The following ZNF66 variants were observed in gnomAD, a reference collection of about 807,000 sequenced individuals.
The protein encoded by ZNF66 is putative zinc finger protein 66.
Under a neutral mutation model 35.2 loss-of-function variants are expected in ZNF66, and 32 were observed. The observed-to-expected ratio is 0.91, with a 90% CI of 0.69 to 1.22. The LOEUF is 1.22. Ranked by LOEUF, ZNF66 falls within the 50% of genes most tolerant of loss-of-function variation. The pLI, the probability that ZNF66 is intolerant of heterozygous loss-of-function variation, is 0.00. For missense variants in ZNF66, 666 were observed against 543.1 expected (o/e 1.23, Z -2.25); for synonymous variants, 231 against 181.3 (o/e 1.27, Z -2.20).
At chr19:20,791,626 C>T (rs1292458495) in intron 1 of ZNF66, among the ~76,000 whole-genome samples, 1 of 151,668 alleles carries the variant, frequency 6.6e-6, no homozygotes, top group African/African-American at 2.4e-5. Flanking sequence ...CTAAAAATTA[C>T]AGAACATAGG....
rs1305920351 is a variant in ZNF66, at chr19:20,781,319, T to C, written c.3+4869T>C. Among the ~76,000 whole-genome samples, 3 of 152,300 alleles carry C rather than the reference T, an allele frequency of 2.0e-5. No individual in the cohort carries two copies. The East Asian group carries it at 5.8e-4, about 29-fold the overall frequency. On this transcript the variant is annotated intron_variant, in intron 1 of 3. Coordinates refer to ENST00000344519, the MANE Select transcript of ZNF66 (RefSeq NM_001355197.2). ...TCATGGGGGTTTTGTGTGCAGATTA[T>C]TTTGTTAACTTACGTACTAAGCATA...
chr19:20,778,124 CAG>C (rs1261696963), intron 1 of ZNF66, among the ~76,000 whole-genome samples: 7 of 152,106 alleles, frequency 4.6e-5, no homozygotes, highest in African/African-American at 7.2e-5. Flanking sequence ...TTTTTTGAAA[CAG>C]AGTCTCACTC....
At position 20,798,752 on chromosome 19, in the gene ZNF66, TATCTC is replaced by T. The variant is rs1309504570; in HGVS notation, c.226+4877_226+4881del. ...ATTTTATGATTTTGACTACTTAAGA[TATCTC>T]ATATAAGTGGAATCATACAGTATCC... On this transcript the variant is annotated intron_variant, in intron 3 of 3. Coordinates refer to ENST00000344519, the MANE Select transcript of ZNF66 (RefSeq NM_001355197.2). Among the ~76,000 whole-genome samples the T allele has an allele frequency of 5.9e-5, 9 of 152,350 alleles. No individual in the cohort carries two copies. The East Asian group carries it at 1.5e-3, about 26-fold the overall frequency.
In ZNF66 at chr19:20,776,373, G is replaced by A; in HGVS notation, c.-75G>A. ...TCTGTCTTCTTCTCCTAGAGGCCCA[G>A]CCTCTGTGGCCCTGTGTCCTGCAGG... On this transcript the variant is annotated 5_prime_UTR_variant, in exon 1 of 4. Transcript: ENST00000344519. 2.6e-6 allele frequency: 4 copies of A among 1,518,904 alleles called. No individual in the cohort carries two copies. The South Asian group carries it at 4.5e-5, about 17-fold the overall frequency. The allele number at this position is 1,518,904 out of a possible 1,614,324, so 94.1% of individuals were successfully genotyped here.
rs878893648 is a variant in ZNF66, at chr19:20,806,788, T to G, written c.1188T>G (p.Pro396=). 1 of 1,290,888 alleles carries G rather than the reference T, an allele frequency of 7.7e-7. No individual in the cohort carries two copies. Among genetic ancestry groups the G allele is most frequent in the Non-Finnish European group, 1.1e-6 (1 of 894,882 alleles). The allele number at this position is 1,290,888 out of a possible 1,614,324, so 80.0% of individuals were successfully genotyped here. The change falls in exon 4 of 4, where the codon CCT becomes CCG. Residue 396 remains proline, a synonymous_variant. Coordinates refer to ENST00000344519, the MANE Select transcript of ZNF66 (RefSeq NM_001355197.2). ...AHKIIHTGKK[P]YKCEECGKVF... is the part of the protein sequence containing the mutation. ...AGATAATTCATACTGGAAAGAAACCTTACAAATGTGAAGAATGTGGCAAAG... is the reference window on the plus strand; with the variant it reads ...AGATAATTCATACTGGAAAGAAACCGTACAAATGTGAAGAATGTGGCAAAG...
At chr19:20,791,106 G>C (rs1300948343) in intron 1 of ZNF66, among the ~76,000 whole-genome samples, 2 of 152,178 alleles carry the variant, frequency 1.3e-5, no homozygotes, top group Non-Finnish European at 2.9e-5. Context: ...GGGGAAAACT[G>C]TGGTCCTTAG....
chr19:20,779,799 A>C (rs1303916095), intron 1 of ZNF66, among the ~76,000 whole-genome samples: 14 of 151,260 alleles, frequency 9.3e-5, no homozygotes, highest in Non-Finnish European at 1.9e-4. Flanking sequence ...GTGGTGGTGC[A>C]TGCCTGTAAT....
At chr19:20,781,026 C>A (rs1971240976) in intron 1 of ZNF66, among the ~76,000 whole-genome samples, 1 of 152,170 alleles carries the variant, frequency 6.6e-6, no homozygotes, top group Admixed American at 6.5e-5. Context: ...CTGCAAGTCT[C>A]CTGGCATATC....
At position 20,806,770 on chromosome 19, in the gene ZNF66, T is replaced by C; in HGVS notation, c.1170T>C (p.Ile390=). Residue 390 remains isoleucine (I), a synonymous_variant, in exon 4 of 4, where the codon ATT becomes ATC. Transcript: ENST00000344519. The part of the protein sequence containing the change: ...YSCSLTAHKI[I]HTGKKPYKCE... ...GTTCCCTTACTGCACATAAGATAAT[T>C]CATACTGGAAAGAAACCTTACAAAT... 1 of 1,326,716 alleles carries C rather than the reference T, an allele frequency of 7.5e-7. No homozygotes were observed. The highest frequency in any genetic ancestry group is 1.8e-4 in the Middle Eastern group (1 of 5,482). 82.2% of individuals were successfully genotyped at this position (1,326,716 alleles called of 1,614,324 possible). A position where few individuals can be genotyped will look rare whatever the true frequency, so the allele number is the denominator to read the frequency against.
chr19:20,791,782 G>T (rs1299769724), intron 1 of ZNF66, among the ~76,000 whole-genome samples: 3 of 152,064 alleles, frequency 2.0e-5, no homozygotes, highest in Admixed American at 1.3e-4. Flanking sequence ...ATTTGTCCTA[G>T]TGCAGTTAAT....
At chr19:20,794,160 GAGAC>G (rs1357932520) in intron 3 of ZNF66, 1 of 479,996 alleles carries the variant, frequency 2.1e-6, no homozygotes, top group Admixed American at 3.0e-5. Context: ...TGACATATAA[GAGAC>G]AGCACAATCC....
intron 3 of ZNF66, among the ~76,000 whole-genome samples, chr19:20,803,892 A>G (rs446838): frequency 0.093 from 14,124 of 152,020 alleles, 658 homozygotes; most frequent in Middle Eastern, 0.11. Context: ...TATTATTTTA[A>G]CTTTAACAAT....
chr19:20,791,751 A>G (rs1426753377), intron 1 of ZNF66, among the ~76,000 whole-genome samples: 1 of 152,138 alleles, frequency 6.6e-6, no homozygotes, highest in Non-Finnish European at 1.5e-5. Context: ...ATTCTTCTGT[A>G]TGCATTAACA....
In ZNF66 at chr19:20,788,931, G is replaced by GT. The variant is rs562016993; in HGVS notation, c.4-3578dup. On this transcript the variant is annotated intron_variant, in intron 1 of 3. Transcript: ENST00000344519. ...CTGGGCGTGGTGGCACACATCTGTA[G>GT]TTTCAGCTACTCAGGAGGCTGAGGT... Among the ~76,000 whole-genome samples, 429 of 151,902 alleles carry GT rather than the reference G, an allele frequency of 2.8e-3. 2 individuals are homozygous for GT. Among genetic ancestry groups the GT allele is most frequent in the African/African-American group, 9.8e-3 (407 of 41,474 alleles).
In ZNF66 at chr19:20,809,286, T is replaced by G. The variant is rs1339140108; in HGVS notation, c.*1964T>G. Among the ~76,000 whole-genome samples the G allele has an allele frequency of 1.3e-5, 2 of 152,016 alleles. No homozygotes were observed. The highest frequency in any genetic ancestry group is 2.9e-5 in the Non-Finnish European group (2 of 68,010). On this transcript the variant is annotated 3_prime_UTR_variant, in exon 4 of 4. Coordinates refer to ENST00000344519, the MANE Select transcript of ZNF66 (RefSeq NM_001355197.2). Reference sequence around the variant, plus strand: ...ATATTATCCAGGAGAACTTCCCCAATCTAGCAAGGCAGGCCAACATTCAGA... The same window carrying G: ...ATATTATCCAGGAGAACTTCCCCAAGCTAGCAAGGCAGGCCAACATTCAGA...
chr19:20,780,876 C>T (rs1234573162), intron 1 of ZNF66, among the ~76,000 whole-genome samples: 1 of 152,112 alleles, frequency 6.6e-6, no homozygotes, highest in Non-Finnish European at 1.5e-5. Context: ...ACAGCTGCCA[C>T]CACAAGATTC....
chr19:20,806,184 A>G lies in ZNF66; in HGVS notation c.584A>G (p.His195Arg), dbSNP rs1468184142. The change falls in exon 4 of 4, where the codon CAT becomes CGT. Residue 195 changes from histidine to arginine, a missense_variant. Transcript: ENST00000344519. ...ACCTTTACTACACATAAGAAAATTC[A>G]TACTGGAGAGAAACCCTATAAATGT... ...SSTFTTHKKI[H>R]TGEKPYKCIE... 2.3e-6 allele frequency: 3 copies of G among 1,317,480 alleles called. No individual in the cohort carries two copies. Among genetic ancestry groups the G allele is most frequent in the East Asian group, 4.6e-5 (2 of 43,550 alleles). The allele number at this position is 1,317,480 out of a possible 1,614,324, so 81.6% of individuals were successfully genotyped here.
chr19:20,801,608 C>CT (rs1568499636), intron 3 of ZNF66, among the ~76,000 whole-genome samples: 1 of 151,246 alleles, frequency 6.6e-6, no homozygotes, highest in East Asian at 2.0e-4. Flanking sequence ...GCCTCCCAAA[C>CT]TATTGGGATT....
intron 1 of ZNF66, among the ~76,000 whole-genome samples, chr19:20,780,723 T>TCC (rs58791048): frequency 5.3e-5 from 8 of 152,118 alleles, no homozygotes; most frequent in African/African-American, 1.9e-4. Context: ...GGAATAAAAC[T>TCC]AGGTGTTTGG....
Sources: allele counts gnomAD v4.1 joint callset (sites outside exome capture counted in the v4.1 genomes callset), GRCh38; gene constraint gnomAD v4.1.1; transcripts MANE v1.5; gene names NCBI Gene and HGNC (gene_info 2026-07-23, HGNC 2026-07-21).